BICD1: variants seen among roughly 807,000 people sequenced by gnomAD.
The protein encoded by BICD1 is BICD cargo adaptor 1.
In BICD1, 35 loss-of-function variants were observed where a neutral mutation model predicts 92.5. The ratio of observed to expected loss-of-function variants is 0.38; its 90% CI spans 0.29 to 0.50. The LOEUF (loss-of-function observed/expected upper bound fraction) is 0.50. Ranked by LOEUF, BICD1 falls within the 20% of genes least tolerant of loss-of-function variation. The probability of loss-of-function intolerance (pLI) is 0.93; values close to 1 mark genes in which losing one functional copy is unlikely to be tolerated. For synonymous variants in BICD1, 429 were observed against 465.1 expected (o/e 0.92, Z 1.00); for missense variants, 950 against 1,189.8 (o/e 0.80, Z 2.97).
chr12:32,108,522 T>C lies in BICD1; in HGVS notation c.213+978T>C, dbSNP rs910967914. 2.7e-4 allele frequency: 135 copies of C among 506,978 alleles called. 1 individual carries two copies. Among genetic ancestry groups the C allele is most frequent in the Middle Eastern group, 5.1e-4 (1 of 1,956 alleles). The allele number at this position is 506,978 out of a possible 1,614,324, so 31.4% of individuals were successfully genotyped here. A position where few individuals can be genotyped will look rare whatever the true frequency, so the allele number is the denominator to read the frequency against. Reference sequence around the variant, plus strand: ...GCAAATAACCACTTACAAATTTAAATGTAATATACACTCCTTTTCTGTGTG... The same window carrying C: ...GCAAATAACCACTTACAAATTTAAACGTAATATACACTCCTTTTCTGTGTG... On this transcript the variant is annotated intron_variant, in intron 1 of 9. Coordinates refer to ENST00000652176, the MANE Select transcript of BICD1 (RefSeq NM_001714.4).
intron 3 of BICD1, among the ~76,000 whole-genome samples, chr12:32,301,061 CT>C (rs1948031671): frequency 6.6e-6 from 1 of 152,028 alleles, no homozygotes; most frequent in African/African-American, 2.4e-5. Context: ...GAGGGCAATC[CT>C]TGCTTCTCCT....
At chr12:32,214,823 C>G (rs1233700585) in intron 1 of BICD1, among the ~76,000 whole-genome samples, 1 of 151,910 alleles carries the variant, frequency 6.6e-6, no homozygotes, top group African/African-American at 2.4e-5. Context: ...CAGCTAGGTT[C>G]TTTTGTTACT....
intron 1 of BICD1, among the ~76,000 whole-genome samples, chr12:32,123,599 G>A (rs944860147): frequency 9.2e-5 from 14 of 152,152 alleles, no homozygotes; most frequent in Admixed American, 3.3e-4. Context: ...AGTTGTGGTC[G>A]GGCACAGTGG....
intron 2 of BICD1, among the ~76,000 whole-genome samples, chr12:32,235,434 T>C (rs16919527): frequency 0.13 from 19,152 of 152,204 alleles, 1,996 homozygotes; most frequent in African/African-American, 0.28. Context: ...CACAACCTTT[T>C]CTTCATTATC....
At chr12:32,317,374 T>C (rs1314293017) in intron 4 of BICD1, among the ~76,000 whole-genome samples, 1 of 152,192 alleles carries the variant, frequency 6.6e-6, no homozygotes, top group Non-Finnish European at 1.5e-5. Flanking sequence ...ACCTGTTGTT[T>C]CCTGACTTTT....
Position 32,328,202 on chromosome 12 carries a change from A to G in BICD1, c.1747A>G (p.Lys583Glu). Reference protein sequence around the residue: ...ETRTSSEPVAKESTEASKEPS... With the variant: ...ETRTSSEPVAEESTEASKEPS... The stretch of plus-strand genomic sequence containing the variant: ...AAGGACCTCATCTGAACCAGTTGCA[A>G]AAGAAAGCACAGAGGCCAGCAAAGA... Residue 583 changes from lysine to glutamate, a missense_variant, in exon 5 of 10, where the codon AAA becomes GAA. By Grantham distance (56) the Lys-to-Glu change is moderately conservative. Around this residue, in one of 5 missense-constraint regions of BICD1, gnomAD observed 309 missense variants for 499.4 expected, o/e 0.62. Transcript: ENST00000652176. The surrounding 1 kb of genome is among the most constrained non-coding windows in gnomAD (Gnocchi z 4.4). 6.2e-7 allele frequency: 1 copy of G among 1,614,128 alleles called. No individual in the cohort carries two copies. The highest frequency in any genetic ancestry group is 8.5e-7 in the Non-Finnish European group (1 of 1,180,016).
intron 2 of BICD1, among the ~76,000 whole-genome samples, chr12:32,246,372 T>C (rs562792005): frequency 6.6e-6 from 1 of 150,690 alleles, no homozygotes; most frequent in African/African-American, 2.4e-5. Flanking sequence ...GCACGGTGGC[T>C]CACACTTGTA....
At chr12:32,144,047 GTGT>G (rs1313922688) in intron 1 of BICD1, among the ~76,000 whole-genome samples, 1 of 152,116 alleles carries the variant, frequency 6.6e-6, no homozygotes, top group Non-Finnish European at 1.5e-5. Flanking sequence ...TTCTTTGTAT[GTGT>G]TGCAAATATC....
In BICD1 at chr12:32,326,682, C is replaced by G. The variant is rs543077198; in HGVS notation, c.1006-779C>G. ...GGGGGCTGACATGCGCCTAGGCATT[C>G]AACACCAGCCTGGACAACATAGCAA... On this transcript the variant is annotated intron_variant, in intron 4 of 9. Transcript: ENST00000652176. 2.6e-5 allele frequency among the ~76,000 whole-genome samples: 4 copies of G among 152,274 alleles called. 1 individual carries two copies. The highest frequency in any genetic ancestry group is 9.6e-5 in the African/African-American group (4 of 41,570).
intron 1 of BICD1, among the ~76,000 whole-genome samples, chr12:32,183,778 G>A (rs1365450424): frequency 6.6e-6 from 1 of 152,224 alleles, no homozygotes; most frequent in African/African-American, 2.4e-5. Flanking sequence ...CCAACTGGGA[G>A]AGTCATTCCT....
chr12:32,216,318 G>A lies in BICD1; in HGVS notation c.285G>A (p.Leu95=). Residue 95 remains leucine, a synonymous_variant, in exon 2 of 10, where the codon CTG becomes CTA. Coordinates refer to ENST00000652176, the MANE Select transcript of BICD1 (RefSeq NM_001714.4). ...GAGAGACTCGGGAGGAAACGCTTCT[G>A]CAGGAGTCAGCATCGAAGGAGGCTT... is the stretch of plus-strand genomic sequence containing the variant. ...EDGETREETL[L]QESASKEAYY... 3 of 1,614,202 alleles carry A rather than the reference G, an allele frequency of 1.9e-6. No individual in the cohort carries two copies. The highest frequency in any genetic ancestry group is 2.5e-6 in the Non-Finnish European group (3 of 1,180,038).
chr12:32,143,363 TC>T (rs1477652409), intron 1 of BICD1, among the ~76,000 whole-genome samples: 2 of 152,218 alleles, frequency 1.3e-5, no homozygotes, highest in Non-Finnish European at 2.9e-5. Context: ...TATAGTTTTA[TC>T]ACACATAATT....
At position 32,305,887 on chromosome 12, in the gene BICD1, G is replaced by A. The variant is rs749213007; in HGVS notation, c.770G>A (p.Ser257Asn). The change falls in exon 4 of 10, where the codon AGC becomes AAC. Residue 257 changes from serine (S) to asparagine (N), a missense_variant. Ser to Asn is a conservative substitution (Grantham distance 46, BLOSUM62 1). Around this residue, in one of 5 missense-constraint regions of BICD1, gnomAD observed 246 missense variants for 258.4 expected, o/e 0.95. Transcript: ENST00000652176. The stretch of plus-strand genomic sequence containing the variant: ...CGGAAGGAGCTCTCCCAGTATATCA[G>A]CCTCAATGATAACCATATCAGCATC... The part of the protein sequence containing the change: ...NLRKELSQYI[S>N]LNDNHISISV... The A allele has an allele frequency of 6.2e-7, 1 of 1,614,054 alleles. No homozygotes were observed. Among genetic ancestry groups the A allele is most frequent in the Non-Finnish European group, 8.5e-7 (1 of 1,180,034 alleles).
At chr12:32,364,284 C>T (rs997794335) in intron 8 of BICD1, among the ~76,000 whole-genome samples, 1 of 152,120 alleles carries the variant, frequency 6.6e-6, no homozygotes. Flanking sequence ...TTATTCCCCC[C>T]AAAGCAACGA....
chr12:32,267,786 AT>A (rs1290303732), intron 2 of BICD1, among the ~76,000 whole-genome samples: 1 of 151,818 alleles, frequency 6.6e-6, no homozygotes, highest in African/African-American at 2.4e-5. Flanking sequence ...ATTTTGTTTC[AT>A]TGTCTGACTA....
intron 2 of BICD1, among the ~76,000 whole-genome samples, chr12:32,220,548 C>G: frequency 6.6e-6 from 1 of 150,736 alleles, no homozygotes. Context: ...AATGAGATAC[C>G]ATCTCACACC....
chr12:32,248,038 G>T (rs757062664), intron 2 of BICD1, among the ~76,000 whole-genome samples: 2 of 151,994 alleles, frequency 1.3e-5, no homozygotes, highest in Non-Finnish European at 2.9e-5. Context: ...AGCCGAGATC[G>T]CACCACTGCA....
Position 32,260,308 on chromosome 12 carries a change from CTT to C in BICD1, c.427-33683_427-33682del. ...TAACAAAGATGCAGATTTCTGGCTT[CTT>C]TTGGAAATCCTAAGCTATAGCAAGA... is the stretch of plus-strand genomic sequence containing the variant. On this transcript the variant is annotated intron_variant, in intron 2 of 9. Transcript: ENST00000652176. 3.3e-5 allele frequency among the ~76,000 whole-genome samples: 5 copies of C among 152,282 alleles called. 1 individual carries two copies. In the Middle Eastern group the frequency reaches 0.017, roughly 522 times the overall value.
At chr12:32,375,258 G>A (rs1467935874) in intron 9 of BICD1, among the ~76,000 whole-genome samples, 4 of 151,994 alleles carry the variant, frequency 2.6e-5, no homozygotes, top group Non-Finnish European at 5.9e-5. Flanking sequence ...GCCGGGCACG[G>A]TGGCTCGTGT....
Sources: allele counts gnomAD v4.1 joint callset (sites outside exome capture counted in the v4.1 genomes callset), GRCh38; gene constraint gnomAD v4.1.1; regional missense constraint gnomAD v4.1.1; non-coding constraint Gnocchi (gnomAD v3.1); transcripts MANE v1.5; gene names NCBI Gene and HGNC (gene_info 2026-07-23, HGNC 2026-07-21).